TTLL5: variants seen among roughly 807,000 people sequenced by gnomAD.
The protein encoded by TTLL5 is tubulin tyrosine ligase like 5, also known as tubulin polyglutamylase TTLL5.
Under a neutral mutation model 168.4 loss-of-function variants are expected in TTLL5, and 132 were observed. The observed-to-expected ratio is 0.78, with a 90% CI of 0.68 to 0.91. The LOEUF is 0.91. Among genes scored for constraint, TTLL5 ranks in the 40% least tolerant of loss-of-function variants. The probability of loss-of-function intolerance (pLI) is 0.00; values close to 1 mark genes in which losing one functional copy is unlikely to be tolerated. For synonymous variants in TTLL5, 546 were observed against 558.6 expected, an observed-to-expected ratio of 0.98 and a Z score of 0.32; for missense variants, 1,545 against 1,581.5, an observed-to-expected ratio of 0.98 and a Z score of 0.39.
chr14:75,761,503 C>T (rs1890648386), intron 18 of TTLL5, among the ~76,000 whole-genome samples: 1 of 152,256 alleles, frequency 6.6e-6, no homozygotes, highest in African/African-American at 2.4e-5. Flanking sequence ...ACCTACTGCT[C>T]AGAAATAAAA....
chr14:75,932,700 A>G (rs1038393316), intron 31 of TTLL5, among the ~76,000 whole-genome samples: 2 of 152,116 alleles, frequency 1.3e-5, no homozygotes, highest in African/African-American at 4.8e-5. Flanking sequence ...GATTTAGTTA[A>G]CCTCTCCAGA....
At chr14:75,764,180 A>G (rs1422711915) in intron 18 of TTLL5, among the ~76,000 whole-genome samples, 1 of 152,226 alleles carries the variant, frequency 6.6e-6, no homozygotes, top group African/African-American at 2.4e-5. Context: ...TAGATTTTAT[A>G]TACATTCAAA....
chr14:75,874,416 A>G (rs1471522623), intron 29 of TTLL5, among the ~76,000 whole-genome samples: 1 of 152,230 alleles, frequency 6.6e-6, no homozygotes, highest in Non-Finnish European at 1.5e-5. Flanking sequence ...TTAGAATAAT[A>G]TCTGTGTAGA....
chr14:75,810,106 T>C (rs1411675467), intron 27 of TTLL5, among the ~76,000 whole-genome samples: 1 of 152,240 alleles, frequency 6.6e-6, no homozygotes, highest in Non-Finnish European at 1.5e-5. Context: ...TGTTTTATCC[T>C]TAATGCTCAA....
intron 30 of TTLL5, among the ~76,000 whole-genome samples, chr14:75,899,474 T>C (rs569975323): frequency 6.6e-6 from 1 of 152,310 alleles, no homozygotes; most frequent in South Asian, 2.1e-4. Context: ...GTGCCTAAAG[T>C]AGTAATAACA....
At chr14:75,697,913 G>C (rs1885984049) in intron 6 of TTLL5, among the ~76,000 whole-genome samples, 1 of 152,168 alleles carries the variant, frequency 6.6e-6, no homozygotes. Flanking sequence ...GGAAGTCTTT[G>C]TGAGATCTGC....
chr14:75,940,204 G>T (rs930428051), intron 31 of TTLL5, among the ~76,000 whole-genome samples: 7 of 146,790 alleles, frequency 4.8e-5, no homozygotes, highest in Admixed American at 2.1e-4. Flanking sequence ...TCAGCCTCCC[G>T]AGTAGCTGGG....
chr14:75,887,973 T>G (rs1404829057), intron 30 of TTLL5, among the ~76,000 whole-genome samples: 2 of 152,194 alleles, frequency 1.3e-5, no homozygotes, highest in African/African-American at 2.4e-5. Flanking sequence ...GGAGGGCTTT[T>G]GTATAGTGTC....
At position 75,683,530 on chromosome 14, in the gene TTLL5, G is replaced by A. The variant is rs1451210349; in HGVS notation, c.265-20G>A. The A allele has an allele frequency of 6.3e-7, 1 of 1,589,300 alleles. No homozygotes were observed. Among genetic ancestry groups the A allele is most frequent in the Non-Finnish European group, 8.6e-7 (1 of 1,161,982 alleles). On this transcript the variant is annotated intron_variant, in intron 4 of 31. Transcript: ENST00000298832. ...ATCTCTGATGTTTTTTTGCCTTCTT[G>A]TCTTTCTGTCTGCCCTCAGGTTCAC...
chr14:75,737,676 C>G, intron 15 of TTLL5: 1 of 1,465,180 alleles, frequency 6.8e-7, no homozygotes, highest in East Asian at 2.5e-5. Context: ...AGTTTTTTAG[C>G]TTTAGTTTTT....
rs192536539 is a variant in TTLL5, at chr14:75,719,836, G to A, written c.934+10G>A. On this transcript the variant is annotated intron_variant, in intron 11 of 31. Coordinates refer to ENST00000298832, the MANE Select transcript of TTLL5 (RefSeq NM_015072.5). ...GGCAGAGATACAACCGGTGAGTACT[G>A]GGCCTTTTTCCTTCTTGACTTCTCT... 1.2e-4 allele frequency: 195 copies of A among 1,613,004 alleles called. No individual in the cohort carries two copies. The African/African-American group carries it at 2.3e-3, about 19-fold the overall frequency.
chr14:75,769,510 G>A (rs1349136651), intron 20 of TTLL5, among the ~76,000 whole-genome samples: 1 of 152,094 alleles, frequency 6.6e-6, no homozygotes, highest in African/African-American at 2.4e-5. Flanking sequence ...ATTAACATTC[G>A]TGACGTTTAT....
At chr14:75,889,004 GA>G in intron 30 of TTLL5, among the ~76,000 whole-genome samples, 1 of 151,130 alleles carries the variant, frequency 6.6e-6, no homozygotes. Flanking sequence ...GTTTAAGCAA[GA>G]AATAATAACA....
At chr14:75,771,304 G>A (rs1891296927) in intron 20 of TTLL5, among the ~76,000 whole-genome samples, 1 of 152,176 alleles carries the variant, frequency 6.6e-6, no homozygotes. Context: ...GTGTGCACCT[G>A]TAAGTCCAGC....
At chr14:75,752,169 G>T (rs2140273542) in intron 17 of TTLL5, among the ~76,000 whole-genome samples, 2 of 152,206 alleles carry the variant, frequency 1.3e-5, no homozygotes, top group Admixed American at 1.3e-4. Context: ...CCTGTATCTT[G>T]TACAGACCTC....
chr14:75,903,332 T>A (rs1296898391), intron 31 of TTLL5, among the ~76,000 whole-genome samples: 1 of 151,902 alleles, frequency 6.6e-6, no homozygotes, highest in East Asian at 1.9e-4. Flanking sequence ...GAAGGAGTTC[T>A]AGGAAGAGGG....
intron 5 of TTLL5, among the ~76,000 whole-genome samples, chr14:75,688,634 G>A (rs1885233377): frequency 6.6e-6 from 1 of 152,178 alleles, no homozygotes; most frequent in Non-Finnish European, 1.5e-5. Flanking sequence ...AGGCAGTCTT[G>A]TGGGACTGAG....
In TTLL5 at chr14:75,766,157, G is replaced by C. The variant is rs752254666; in HGVS notation, c.1804G>C (p.Ala602Pro). The C allele has an allele frequency of 9.9e-6, 16 of 1,613,900 alleles. No homozygotes were observed. The highest frequency in any genetic ancestry group is 1.3e-5 in the African/African-American group (1 of 74,890). ...ALDNEDEEQE[A>P]SQEESAGFLR... is the part of the protein sequence containing the mutation. ...AGATAATGAAGATGAAGAACAGGAG[G>C]CTTCCCAGGAGGAGTCTGCAGGATT... Residue 602 changes from alanine to proline, a missense_variant, in exon 20 of 32, where the codon GCT (alanine) becomes CCT (proline). By Grantham distance (27) the Ala-to-Pro change is conservative. Transcript: ENST00000298832.
At chr14:75,775,410 G>T (rs1032177269) in intron 21 of TTLL5, 74 bp from the exon 22 acceptor site, 1 of 1,514,560 alleles carries the variant, frequency 6.6e-7, no homozygotes, top group East Asian at 2.3e-5. Flanking sequence ...GTTATATAAT[G>T]CCTTCATAGC....
Sources: allele counts gnomAD v4.1 joint callset (sites outside exome capture counted in the v4.1 genomes callset), GRCh38; gene constraint gnomAD v4.1.1; transcripts MANE v1.5; gene names NCBI Gene and HGNC (gene_info 2026-07-23, HGNC 2026-07-21).